Variants in ARPP21 observed in about 807,000 individuals in gnomAD.
ARPP21 encodes cAMP-regulated phosphoprotein 21.
In ARPP21, 69 loss-of-function variants were observed where a neutral mutation model predicts 113.2. The ratio of observed to expected loss-of-function variants is 0.61; its 90% CI spans 0.50 to 0.74. The LOEUF is 0.74. Ranked by LOEUF, ARPP21 falls within the 30% of genes least tolerant of loss-of-function variation. The pLI, the probability that ARPP21 is intolerant of heterozygous loss-of-function variation, is 0.00. For synonymous variants in ARPP21, 368 were observed against 375.5 expected, an observed-to-expected ratio of 0.98 and a Z score of 0.23; for missense variants, 1,070 against 1,037.4, an observed-to-expected ratio of 1.03 and a Z score of -0.43.
intron 19 of ARPP21, chr3:35,781,526 T>C (rs559475032): frequency 3.3e-5 from 5 of 152,338 alleles, no homozygotes; most frequent in African/African-American, 4.8e-5. Context: ...AGCACATTTG[T>C]ATTTGTGTGG....
At chr3:35,728,452 T>C (rs1307650684) in intron 14 of ARPP21, among the ~76,000 whole-genome samples, 1 of 151,706 alleles carries the variant, frequency 6.6e-6, no homozygotes, top group African/African-American at 2.4e-5. Flanking sequence ...TCTCCTGACC[T>C]TGTGATCCAC....
At chr3:35,772,508 T>C (rs1234899964) in intron 19 of ARPP21, among the ~76,000 whole-genome samples, 1 of 152,188 alleles carries the variant, frequency 6.6e-6, no homozygotes. Context: ...GAACAATTGG[T>C]TGGTGATTAG....
chr3:35,654,048 C>A (rs894959946), intron 1 of ARPP21, among the ~76,000 whole-genome samples: 1 of 151,900 alleles, frequency 6.6e-6, no homozygotes, highest in African/African-American at 2.4e-5. Context: ...CACTCACCAC[C>A]CATCTTAATT....
intron 19 of ARPP21, among the ~76,000 whole-genome samples, chr3:35,758,132 A>G (rs1218280499): frequency 6.6e-6 from 1 of 152,070 alleles, no homozygotes. Context: ...CCCAGGGAGG[A>G]TTAGATCATT....
chr3:35,678,405 A>G (rs1459971493), intron 1 of ARPP21, among the ~76,000 whole-genome samples: 1 of 151,956 alleles, frequency 6.6e-6, no homozygotes, highest in East Asian at 1.9e-4. Context: ...AATAGTTTCT[A>G]ATTTTTAAGA....
chr3:35,751,948 T>C (rs1393637344), intron 19 of ARPP21, among the ~76,000 whole-genome samples: 2 of 152,100 alleles, frequency 1.3e-5, no homozygotes, highest in Non-Finnish European at 2.9e-5. Context: ...CTCAATAATT[T>C]GGAAATACGT....
chr3:35,792,344 T>G (rs552812074), intron 19 of ARPP21, 38 bp from the exon 20 acceptor site: 1 of 1,606,572 alleles, frequency 6.2e-7, no homozygotes, highest in South Asian at 1.1e-5. Flanking sequence ...CTGTGTTCTT[T>G]CTGCACAACC....
chr3:35,725,869 G>A (rs2093493721), intron 14 of ARPP21, among the ~76,000 whole-genome samples: 1 of 152,076 alleles, frequency 6.6e-6, no homozygotes, highest in Non-Finnish European at 1.5e-5. Flanking sequence ...TTTTAATCTA[G>A]TATCTCCTAG....
intron 19 of ARPP21, among the ~76,000 whole-genome samples, chr3:35,786,644 A>C (rs559786401): frequency 1.2e-4 from 19 of 152,266 alleles, no homozygotes; most frequent in African/African-American, 4.6e-4. Flanking sequence ...TTGACAAACC[A>C]AGTGGTTTGT....
intron 16 of ARPP21, among the ~76,000 whole-genome samples, chr3:35,737,932 A>G (rs936390989): frequency 6.6e-6 from 1 of 152,196 alleles, no homozygotes; most frequent in African/African-American, 2.4e-5. Flanking sequence ...TCTTGATATT[A>G]CTTATTTGTT....
intron 19 of ARPP21, among the ~76,000 whole-genome samples, chr3:35,750,511 A>T (rs187575979): frequency 6.6e-6 from 1 of 152,182 alleles, no homozygotes; most frequent in Non-Finnish European, 1.5e-5. Flanking sequence ...TGAATGTCCC[A>T]TAAGCACTTG....
At chr3:35,644,928 G>A (rs1699622450) in intron 1 of ARPP21, among the ~76,000 whole-genome samples, 1 of 151,814 alleles carries the variant, frequency 6.6e-6, no homozygotes, top group Admixed American at 6.6e-5. Context: ...AATGTGACAG[G>A]TTTAGAAGAT....
intron 15 of ARPP21, among the ~76,000 whole-genome samples, chr3:35,736,962 TG>T (rs1160661765): frequency 1.2e-4 from 18 of 152,234 alleles, no homozygotes; most frequent in Admixed American, 7.2e-4. Context: ...ATTTATTTGC[TG>T]CTTCTTAAAT....
chr3:35,662,940 G>A lies in ARPP21; in HGVS notation c.-212-16847G>A, dbSNP rs192704339. ...AGGGTGAGTGGCATAGGGAAGAAAG[G>A]ATGAAGAGAAGTTGATTAAAGGGTA... On this transcript the variant is annotated intron_variant, in intron 1 of 20. Coordinates refer to ENST00000684406, the MANE Select transcript of ARPP21 (RefSeq NM_001385562.1). Among the ~76,000 whole-genome samples the A allele has an allele frequency of 4.6e-5, 7 of 152,230 alleles. No homozygotes were observed. In the East Asian group the frequency reaches 1.2e-3, roughly 25 times the overall value.
intron 1 of ARPP21, chr3:35,641,355 A>C (rs1698006346): frequency 6.6e-6 from 1 of 152,196 alleles, no homozygotes; most frequent in South Asian, 2.1e-4. Context: ...TCTACTTTGG[A>C]GATAAAAACT....
chr3:35,645,046 G>T (rs1699684440), intron 1 of ARPP21, among the ~76,000 whole-genome samples: 1 of 151,678 alleles, frequency 6.6e-6, no homozygotes, highest in Admixed American at 6.6e-5. Context: ...TCTCATTCAA[G>T]GAATATATTT....
chr3:35,768,010 G>A (rs2096048092), intron 19 of ARPP21, among the ~76,000 whole-genome samples: 1 of 151,448 alleles, frequency 6.6e-6, no homozygotes, highest in African/African-American at 2.4e-5. Context: ...TTCCTTGCTT[G>A]TCTGAGGCCT....
At chr3:35,669,482 T>C (rs938638092) in intron 1 of ARPP21, among the ~76,000 whole-genome samples, 7 of 152,142 alleles carry the variant, frequency 4.6e-5, no homozygotes, top group African/African-American at 1.7e-4. Flanking sequence ...ATCCTAGCAA[T>C]TTCCACATCC....
At chr3:35,764,935 A>G (rs557038910) in intron 19 of ARPP21, among the ~76,000 whole-genome samples, 1 of 152,280 alleles carries the variant, frequency 6.6e-6, no homozygotes, top group South Asian at 2.1e-4. Context: ...TTCACTTCAC[A>G]GGATCTGATT....
Sources: gnomAD v4.1 joint callset for allele counts (sites outside exome capture counted in the v4.1 genomes callset) on GRCh38, gnomAD v4.1.1 for gene constraint, MANE v1.5 for transcripts, NCBI Gene and HGNC (gene_info 2026-07-23, HGNC 2026-07-21) for gene names.